MYO9A: variants seen among roughly 807,000 people sequenced by gnomAD.
MYO9A encodes the protein unconventional myosin-IXa.
MYO9A carries 103 observed loss-of-function variants against 293.3 expected under a neutral mutation model. The ratio of observed to expected loss-of-function variants is 0.35; its 90% CI spans 0.30 to 0.41. The LOEUF is 0.41. MYO9A is among the 10% of genes least tolerant of loss of function. The pLI is 1.00. For synonymous variants in MYO9A, 1,001 were observed against 1,035.7 expected, an observed-to-expected ratio of 0.97 and a Z score of 0.64; for missense variants, 2,685 against 3,033.0, an observed-to-expected ratio of 0.89 and a Z score of 2.69.
chr15:71,852,033 G>C, intron 36 of MYO9A, 99 bp downstream of exon 36: 1 of 1,307,154 alleles, frequency 7.7e-7, no homozygotes, highest in South Asian at 2.0e-5. Context: ...GAATCTATAA[G>C]AATTAAACCA....
intron 6 of MYO9A, among the ~76,000 whole-genome samples, chr15:72,013,768 T>C (rs139857798): frequency 6.6e-6 from 1 of 152,368 alleles, no homozygotes; most frequent in East Asian, 1.9e-4. Flanking sequence ...CTTGTCTCTA[T>C]TTCTTAAAAT....
chr15:72,052,873 C>T (rs1392004522), intron 1 of MYO9A, among the ~76,000 whole-genome samples: 3 of 152,176 alleles, frequency 2.0e-5, no homozygotes, highest in African/African-American at 7.2e-5. Flanking sequence ...GCAAGCCAAA[C>T]ACAGCCTGCC....
At chr15:72,052,167 G>A (rs1272886134) in intron 1 of MYO9A, among the ~76,000 whole-genome samples, 1 of 152,096 alleles carries the variant, frequency 6.6e-6, no homozygotes, top group South Asian at 2.1e-4. Context: ...CCAGCTGCAG[G>A]GAGAAGCTAC....
intron 12 of MYO9A, among the ~76,000 whole-genome samples, chr15:71,977,288 G>C (rs1028926395): frequency 6.6e-6 from 1 of 152,110 alleles, no homozygotes; most frequent in Non-Finnish European, 1.5e-5. Context: ...CTGGACTATA[G>C]TGCATTGGCG....
chr15:71,927,995 G>A (rs1301165726), intron 18 of MYO9A, among the ~76,000 whole-genome samples: 2 of 102,638 alleles, frequency 1.9e-5, no homozygotes, highest in Non-Finnish European at 3.9e-5. Flanking sequence ...TCTTCTGCCA[G>A]CTCCATGCTG....
At chr15:71,904,172 G>A in intron 20 of MYO9A, 133 bp from the exon 21 acceptor site, 2 of 684,956 alleles carry the variant, frequency 2.9e-6, no homozygotes, top group South Asian at 3.8e-5. Flanking sequence ...CAGTAACTAA[G>A]TATATTAAGG....
At chr15:72,092,589 A>AAAAT (rs2079949211) in intron 1 of MYO9A, among the ~76,000 whole-genome samples, 4 of 152,130 alleles carry the variant, frequency 2.6e-5, no homozygotes, top group Non-Finnish European at 4.4e-5. Flanking sequence ...CTGTCTCTAA[A>AAAAT]AAATAAATAA....
intron 18 of MYO9A, among the ~76,000 whole-genome samples, chr15:71,933,131 A>C (rs1338078057): frequency 6.6e-6 from 1 of 152,140 alleles, no homozygotes; most frequent in East Asian, 1.9e-4. Flanking sequence ...GCATGTGAAA[A>C]ATTATATAAA....
intron 32 of MYO9A, among the ~76,000 whole-genome samples, chr15:71,867,798 T>TCACACACACACA (rs57300333): frequency 8.1e-4 from 103 of 127,622 alleles, no homozygotes; most frequent in African/African-American, 2.8e-3. Flanking sequence ...TGGGAATCCA[T>TCACACACACACA]CACACACACA....
At chr15:72,076,418 A>G (rs1017327192) in intron 1 of MYO9A, among the ~76,000 whole-genome samples, 15 of 151,518 alleles carry the variant, frequency 9.9e-5, no homozygotes, top group African/African-American at 3.4e-4. Flanking sequence ...AGTTCAAAAG[A>G]TACAAGGTCA....
At chr15:72,063,502 G>A (rs2078933061) in intron 1 of MYO9A, among the ~76,000 whole-genome samples, 1 of 152,136 alleles carries the variant, frequency 6.6e-6, no homozygotes, top group Non-Finnish European at 1.5e-5. Flanking sequence ...CTGTCTATCT[G>A]ACAAGGGATT....
At chr15:72,058,859 A>G (rs1413573923) in intron 1 of MYO9A, among the ~76,000 whole-genome samples, 1 of 152,236 alleles carries the variant, frequency 6.6e-6, no homozygotes, top group African/African-American at 2.4e-5. Context: ...CCTTTAAACT[A>G]GAAGTTCAGT....
chr15:71,956,310 T>TA lies in MYO9A; in HGVS notation c.2182+3590dup, dbSNP rs869151550. 1.3e-3 allele frequency among the ~76,000 whole-genome samples: 49 copies of TA among 36,762 alleles called. 1 individual carries two copies. Among genetic ancestry groups the TA allele is most frequent in the East Asian group, 2.5e-3 (6 of 2,364 alleles). 24.1% of individuals were successfully genotyped at this position (36,762 alleles called of 152,430 possible). On this transcript the variant is annotated intron_variant, in intron 14 of 41. Transcript: ENST00000356056. Reference sequence around the variant, plus strand: ...ATGCAACACAGCGAAACCCGGCTCTTAAAAAAAAAAAAAAAAAAAAATATA... The same window carrying TA: ...ATGCAACACAGCGAAACCCGGCTCTTAAAAAAAAAAAAAAAAAAAAAATATA...
At chr15:71,878,815 C>T (rs538968047) in intron 30 of MYO9A, among the ~76,000 whole-genome samples, 26 of 141,282 alleles carry the variant, frequency 1.8e-4, no homozygotes, top group South Asian at 4.5e-4. Flanking sequence ...GGCATGATCT[C>T]GGCTCACTGC....
At position 71,981,641 on chromosome 15, in the gene MYO9A, G is replaced by GTCTC. The variant is rs142432028; in HGVS notation, c.1723-3353_1723-3350dup. The stretch of plus-strand genomic sequence containing the variant: ...TTATTTATATCCCTCTCTCTGTCTT[G>GTCTC]TCTCTCTCTCTCTCTCTCTCTCTCT... On this transcript the variant is annotated intron_variant, in intron 11 of 41. Transcript: ENST00000356056. 8.6e-3 allele frequency among the ~76,000 whole-genome samples: 1,247 copies of GTCTC among 144,472 alleles called. 12 individuals carry two copies. The highest frequency in any genetic ancestry group is 0.011 in the African/African-American group (414 of 39,266). 94.8% of individuals were successfully genotyped at this position (144,472 alleles called of 152,430 possible). A position where few individuals can be genotyped will look rare whatever the true frequency, so the allele number is the denominator to read the frequency against.
chr15:71,839,156 T>G (rs900565656), intron 39 of MYO9A, among the ~76,000 whole-genome samples: 5 of 152,232 alleles, frequency 3.3e-5, no homozygotes, highest in Admixed American at 3.3e-4. Flanking sequence ...AGCCACCTTT[T>G]ATGGCTTGGT....
chr15:71,927,417 A>C (rs1233184490), intron 18 of MYO9A, among the ~76,000 whole-genome samples: 2 of 152,178 alleles, frequency 1.3e-5, no homozygotes, highest in African/African-American at 4.8e-5. Flanking sequence ...GGTCATAGTC[A>C]AGAAATCAAC....
chr15:71,850,563 G>A (rs573089560), intron 37 of MYO9A, among the ~76,000 whole-genome samples: 7 of 152,048 alleles, frequency 4.6e-5, no homozygotes, highest in Admixed American at 6.6e-5. Context: ...TCAGGAGTTT[G>A]AGACAATCTT....
intron 27 of MYO9A, among the ~76,000 whole-genome samples, chr15:71,887,320 C>T (rs1006464520): frequency 6.6e-5 from 10 of 152,264 alleles, no homozygotes; most frequent in African/African-American, 2.2e-4. Flanking sequence ...CAAAATATTC[C>T]TCTTTGAGAT....
Sources: gnomAD v4.1 joint callset for allele counts (sites outside exome capture counted in the v4.1 genomes callset) on GRCh38, gnomAD v4.1.1 for gene constraint, MANE v1.5 for transcripts, NCBI Gene and HGNC (gene_info 2026-07-23, HGNC 2026-07-21) for gene names.